The following IGSF10 variants were observed in gnomAD, a reference collection of about 807,000 sequenced individuals.
IGSF10 encodes the protein immunoglobulin superfamily member 10, also known as calvaria mechanical force protein 608.
A neutral mutation model predicts 128.2 loss-of-function variants in IGSF10; 126 were observed. The observed-to-expected ratio is 0.98, with a 90% CI of 0.85 to 1.14. The LOEUF (loss-of-function observed/expected upper bound fraction) is 1.14, where lower values mean the gene tolerates loss of function less well. Among genes scored for constraint, IGSF10 ranks in the 50% most tolerant of loss-of-function variants. The pLI is 0.00. For missense variants in IGSF10, 3,295 were observed against 3,149.8 expected (o/e 1.05, Z -1.10); for synonymous variants, 1,185 against 1,146.2 (o/e 1.03, Z -0.68).
chr3:151,460,806 C>T (rs1722015650), intron 1 of IGSF10, 140 bp downstream of exon 1: 1 of 449,008 alleles, frequency 2.2e-6, no homozygotes, highest in Non-Finnish European at 2.9e-6. Flanking sequence ...TCTCCGGGTG[C>T]GTCTTCCCTC....
the IGSF10 span, among the ~76,000 whole-genome samples, chr3:151,564,519 C>T: frequency 6.6e-6 from 1 of 151,946 alleles, no homozygotes; most frequent in Non-Finnish European, 1.5e-5. Context: ...AAATTTCTGG[C>T]TTCTTTTTGA....
chr3:151,590,807 A>G, the IGSF10 span, among the ~76,000 whole-genome samples: 1 of 152,346 alleles, frequency 6.6e-6, no homozygotes, highest in East Asian at 1.9e-4. Flanking sequence ...TGACTGAAGT[A>G]ACGTTTTCAT....
rs1331590617 is a variant in IGSF10, at chr3:151,446,737, G to GA, written c.3243dup (p.Pro1082SerfsTer12). 6.2e-7 allele frequency: 1 copy of GA among 1,614,052 alleles called. No individual in the cohort carries two copies. The highest frequency in any genetic ancestry group is 2.2e-5 in the East Asian group (1 of 44,896). On this transcript the variant is annotated frameshift_variant, in exon 6 of 8. Transcript: ENST00000282466. LOFTEE classifies it high-confidence loss of function. ...GGGAAGGTGATGGGAGCAGCACTTG[G>GA]AAAAGACAATGCTGCTGTGGCAGTG...
At chr3:151,513,631 C>A in the IGSF10 span, among the ~76,000 whole-genome samples, 1 of 152,112 alleles carries the variant, frequency 6.6e-6, no homozygotes, top group Non-Finnish European at 1.5e-5. Context: ...GGAAATCAGG[C>A]AGGAGAAGGA....
chr3:151,480,368 A>G, the IGSF10 span, among the ~76,000 whole-genome samples: 15 of 152,134 alleles, frequency 9.9e-5, no homozygotes, highest in Admixed American at 5.9e-4. Context: ...AAGGTAAGCA[A>G]TAGGATCCCA....
chr3:151,488,590 T>C, the IGSF10 span, among the ~76,000 whole-genome samples: 1 of 152,146 alleles, frequency 6.6e-6, no homozygotes, highest in Non-Finnish European at 1.5e-5. Flanking sequence ...AAGTCTACAG[T>C]AACCAAAACA....
At chr3:151,487,730 C>T in the IGSF10 span, among the ~76,000 whole-genome samples, 15 of 152,272 alleles carry the variant, frequency 9.9e-5, no homozygotes, top group African/African-American at 2.6e-4. Flanking sequence ...CTGACAAAAA[C>T]CACATGATTA....
At chr3:151,434,402 C>T (rs1403193240), downstream of IGSF10, 1 of 152,174 alleles carries the variant, frequency 6.6e-6, no homozygotes, top group African/African-American at 2.4e-5. Flanking sequence ...CTGCTTTGTA[C>T]ACTGTGAAAA....
chr3:151,473,971 G>T, the IGSF10 span, among the ~76,000 whole-genome samples: 1 of 151,838 alleles, frequency 6.6e-6, no homozygotes. Context: ...TATTCCAGTG[G>T]GGCTCCTGGG....
rs540172569 is a variant in IGSF10 at position 151,438,918 on chromosome 3, C to T, written c.5964-321G>A. 2.0e-5 allele frequency among the ~76,000 whole-genome samples: 3 copies of T among 151,662 alleles called. 1 individual carries two copies. The highest frequency in any genetic ancestry group is 7.3e-5 in the African/African-American group (3 of 41,320). On this transcript the variant is annotated intron_variant, in intron 7 of 7. Coordinates refer to ENST00000282466, the MANE Select transcript of IGSF10 (RefSeq NM_178822.5). ...TAGCATGTCCATCACCTCATAGTTA[C>T]CTGTTTTTGTATGTGTGATTAGCTT...
the IGSF10 span, among the ~76,000 whole-genome samples, chr3:151,527,897 G>C: frequency 7.4e-3 from 1,119 of 152,074 alleles, 17 homozygotes; most frequent in African/African-American, 0.026. Flanking sequence ...AGGCTACAGT[G>C]AGCTGTGTTC....
chr3:151,539,637 T>A, the IGSF10 span, among the ~76,000 whole-genome samples: 1 of 152,286 alleles, frequency 6.6e-6, no homozygotes, highest in Admixed American at 6.5e-5. Flanking sequence ...ATTGTATCAA[T>A]ATGAATCTGT....
chr3:151,499,176 C>G, the IGSF10 span, among the ~76,000 whole-genome samples: 1 of 152,014 alleles, frequency 6.6e-6, no homozygotes, highest in Non-Finnish European at 1.5e-5. Flanking sequence ...TTAATCTTGT[C>G]GAGAGCATTG....
At chr3:151,548,049 T>C in the IGSF10 span, among the ~76,000 whole-genome samples, 2 of 152,198 alleles carry the variant, frequency 1.3e-5, no homozygotes, top group African/African-American at 2.4e-5. Context: ...TGTGTGTACC[T>C]TCCCTTTGAA....
chr3:151,496,991 C>T, the IGSF10 span, among the ~76,000 whole-genome samples: 300 of 152,246 alleles, frequency 2.0e-3, 2 homozygotes, highest in East Asian at 0.015. Context: ...TGAGAAGTGT[C>T]TGTTCATATC....
At chr3:151,598,363 A>G in the IGSF10 span, among the ~76,000 whole-genome samples, 1 of 151,700 alleles carries the variant, frequency 6.6e-6, no homozygotes. Context: ...CATCTCAGAC[A>G]AAAGAGAAAA....
the IGSF10 span, among the ~76,000 whole-genome samples, chr3:151,593,181 AGT>A: frequency 3.0e-3 from 462 of 152,228 alleles, 5 homozygotes; most frequent in East Asian, 0.026. Context: ...TCCAGGCTAG[AGT>A]GTAGGGACAT....
the IGSF10 span, among the ~76,000 whole-genome samples, chr3:151,576,508 A>C: frequency 6.6e-6 from 1 of 152,176 alleles, no homozygotes; most frequent in South Asian, 2.1e-4. Context: ...CCTTACATTT[A>C]ATCAAACAGA....
chr3:151,469,187 T>C, the IGSF10 span, among the ~76,000 whole-genome samples: 50,016 of 152,170 alleles, frequency 0.33, 8,955 homozygotes, highest in Middle Eastern at 0.47. Context: ...TGAATAGTGC[T>C]GCAATGAACA....
Sources: gnomAD v4.1 joint callset for allele counts (sites outside exome capture counted in the v4.1 genomes callset) on GRCh38, gnomAD v4.1.1 for gene constraint, MANE v1.5 for transcripts, NCBI Gene and HGNC (gene_info 2026-07-23, HGNC 2026-07-21) for gene names.